The following TNXB variants were observed in gnomAD, a reference collection of about 807,000 sequenced individuals.
The protein encoded by TNXB is tenascin-X.
Under a neutral mutation model 340.5 loss-of-function variants are expected in TNXB, and 183 were observed. The observed-to-expected ratio is 0.54, with a 90% CI of 0.48 to 0.61. TNXB has a LOEUF of 0.61. Ranked by LOEUF, TNXB falls within the 20% of genes least tolerant of loss-of-function variation. TNXB has a pLI of 0.00. For synonymous variants in TNXB, 2,121 were observed against 2,314.5 expected (o/e 0.92, Z 2.40); for missense variants, 4,613 against 5,446.4 (o/e 0.85, Z 4.82).
intron 21 of TNXB, among the ~76,000 whole-genome samples, chr6:32,060,767 T>C (rs1777957427): frequency 6.6e-6 from 1 of 151,900 alleles, no homozygotes. Flanking sequence ...ACCTCCCAAG[T>C]AACTGGGATT....
chr6:32,095,884 G>T lies in TNXB; in HGVS notation c.1969C>A (p.Arg657=). The change falls in exon 3 of 44, where the codon CGG becomes AGG. Residue 657 remains arginine (R), a synonymous_variant. Transcript: ENST00000644971. ...CATRMCPADC[R]GRGRCVQGVC... is the part of the protein sequence containing the mutation. ...CCTTGCACACACCGCCCACGTCCCC[G>T]GCAGTCAGCCGGGCACATGCGGGTG... 6.2e-7 allele frequency: 1 copy of T among 1,612,608 alleles called. No individual in the cohort carries two copies.
chr6:32,097,668 T>C lies in TNXB; in HGVS notation c.403+128A>G. Reference sequence around the variant, plus strand: ...CAGCTCTGCTCTCCAAGTTGTGTTCTGGGCTGCATCCACACCCCTCATGGT... The same window carrying C: ...CAGCTCTGCTCTCCAAGTTGTGTTCCGGGCTGCATCCACACCCCTCATGGT... On this transcript the variant is annotated intron_variant, in intron 2 of 43. Coordinates refer to ENST00000644971, the MANE Select transcript of TNXB (RefSeq NM_001365276.2). The surrounding 1 kb of genome is among the most constrained non-coding windows in gnomAD (Gnocchi z 5.9). The C allele has an allele frequency of 1.7e-6, 2 of 1,210,272 alleles. No individual in the cohort carries two copies. Among genetic ancestry groups the C allele is most frequent in the South Asian group, 3.3e-5 (2 of 59,998 alleles). The allele number at this position is 1,210,272 out of a possible 1,614,324, so 75.0% of individuals were successfully genotyped here.
At position 32,049,882 on chromosome 6, in the gene TNXB, A is replaced by G; in HGVS notation, c.9439+116T>C. 2.0e-6 allele frequency: 3 copies of G among 1,506,404 alleles called. No homozygotes were observed. The highest frequency in any genetic ancestry group is 3.7e-5 in the Admixed American group (2 of 54,148). The allele number at this position is 1,506,404 out of a possible 1,614,324, so 93.3% of individuals were successfully genotyped here. ...CCCAAGGGGAGTCCCAGCCCCAGCC[A>G]CAAGCAGTTCTGTGGTGCTGACCAG... is the stretch of plus-strand genomic sequence containing the variant. On this transcript the variant is annotated intron_variant, in intron 27 of 43. Transcript: ENST00000644971. This position sits in a 1 kb window ranked among gnomAD's most constrained non-coding sequence, Gnocchi z 4.5.
rs1323911718 is a variant in TNXB at position 32,047,215 on chromosome 6, T to C, written c.10324+519A>G. On this transcript the variant is annotated intron_variant, in intron 30 of 43. Transcript: ENST00000644971. This position sits in a 1 kb window ranked among gnomAD's most constrained non-coding sequence, Gnocchi z 6.2. ...GTCCTCCTCTGGGCATAGTGACTCA[T>C]GGTCCTGGGAGTGGGGTGAGGGTCG... 6.6e-6 allele frequency among the ~76,000 whole-genome samples: 1 copy of C among 152,222 alleles called. No homozygotes were observed. The highest frequency in any genetic ancestry group is 2.4e-5 in the African/African-American group (1 of 41,458).
Position 32,079,345 on chromosome 6 carries a change from C to T in TNXB, c.4063G>A (p.Glu1355Lys), listed in dbSNP as rs549679621. Residue 1355 changes from glutamate to lysine, a missense_variant, in exon 11 of 44, where the codon GAG becomes AAG. This residue lies in a region of TNXB where 4,327 missense variants were observed against 4,859.4 expected (regional missense o/e 0.89). Transcript: ENST00000644971. This position sits in a 1 kb window ranked among gnomAD's most constrained non-coding sequence, Gnocchi z 7.1. Reference sequence around the variant, plus strand: ...CCCAGTTCTGTGGGGCTGGGGGTCTCGTCCACATCCTCCTGAGGAGCTGAG... The same window carrying T: ...CCCAGTTCTGTGGGGCTGGGGGTCTTGTCCACATCCTCCTGAGGAGCTGAG... ...AKTAPQEDVD[E>K]TPSPTELGTE... is the part of the protein sequence containing the mutation. 1.2e-5 allele frequency: 20 copies of T among 1,609,010 alleles called. No homozygotes were observed. Among genetic ancestry groups the T allele is most frequent in the Middle Eastern group, 1.7e-4 (1 of 6,024 alleles).
In TNXB at chr6:32,089,022, C is replaced by A. The variant is rs963747561; in HGVS notation, c.2542G>T (p.Val848Leu). The change falls in exon 6 of 44, where the codon GTG becomes TTG. Residue 848 changes from valine (V) to leucine (L), a missense_variant. By Grantham distance (32) the Val-to-Leu change is conservative. Transcript: ENST00000644971. This position sits in a 1 kb window ranked among gnomAD's most constrained non-coding sequence, Gnocchi z 6.2. Reference protein sequence around the residue: ...TMIDGPQDLRVVAVTPTTLEL... With the variant: ...TMIDGPQDLRLVAVTPTTLEL... ...AGTGTTGTCGGTGTCACAGCCACCA[C>A]TCGGAGGTCCTGGGGCCCATCGATC... The A allele has an allele frequency of 6.2e-7, 1 of 1,610,688 alleles. No individual in the cohort carries two copies. Among genetic ancestry groups the A allele is most frequent in the Non-Finnish European group, 8.5e-7 (1 of 1,178,844 alleles).
chr6:32,101,296 ATT>A (rs981024018), intron 1 of TNXB, among the ~76,000 whole-genome samples: 7 of 151,446 alleles, frequency 4.6e-5, no homozygotes, highest in African/African-American at 1.5e-4. Flanking sequence ...TGCCCAGCTC[ATT>A]TTTTTTGTAG....
chr6:32,052,672 G>A lies in TNXB; in HGVS notation c.9113C>T (p.Thr3038Ile). 3 of 1,612,724 alleles carry A rather than the reference G, an allele frequency of 1.9e-6. No homozygotes were observed. The highest frequency in any genetic ancestry group is 2.5e-6 in the Non-Finnish European group (3 of 1,179,190). ...TCGCCTCACTCACACTTACTCACCT[G>A]TCACACCCACAGCGGACACTGGGCC... ...RVGPVSAVGVTAPKDEAETTQ... is the reference protein window; with the variant it reads ...RVGPVSAVGVIAPKDEAETTQ... The change falls in exon 26 of 44, where the codon ACA (threonine) becomes ATA (isoleucine). Residue 3038 changes from threonine (T) to isoleucine (I), a missense_variant and splice_region_variant. Physicochemically the swap from Thr to Ile is moderately conservative, Grantham distance 89. This residue lies in a region of TNXB where 4,327 missense variants were observed against 4,859.4 expected (regional missense o/e 0.89). Coordinates refer to ENST00000644971, the MANE Select transcript of TNXB (RefSeq NM_001365276.2). This position sits in a 1 kb window ranked among gnomAD's most constrained non-coding sequence, Gnocchi z 4.7.
At position 32,070,201 on chromosome 6, in the gene TNXB, C is replaced by G. The variant is rs573721058; in HGVS notation, c.5204G>C (p.Arg1735Pro). ...GCCATAGAGGAGGAATCTGTACTTG[C>G]GGCCGGCATCCAGAGGGGTGACAGT... is the stretch of plus-strand genomic sequence containing the variant. Reference protein sequence around the residue: ...SVTVTPLDAGRKYRFLLYGLL... With the variant: ...SVTVTPLDAGPKYRFLLYGLL... The change falls in exon 14 of 44, where the codon CGC becomes CCC. Residue 1735 changes from arginine (R) to proline (P), a missense_variant. This residue lies in a region of TNXB where 4,327 missense variants were observed against 4,859.4 expected (regional missense o/e 0.89). Transcript: ENST00000644971. The surrounding 1 kb of genome is among the most constrained non-coding windows in gnomAD (Gnocchi z 6.0). 1 of 1,611,898 alleles carries G rather than the reference C, an allele frequency of 6.2e-7. No homozygotes were observed. The highest frequency in any genetic ancestry group is 1.7e-5 in the Admixed American group (1 of 59,980).
At position 32,079,218 on chromosome 6, in the gene TNXB, C is replaced by T; in HGVS notation, c.4190G>A (p.Gly1397Asp). 6.2e-7 allele frequency: 1 copy of T among 1,613,824 alleles called. No homozygotes were observed. Among genetic ancestry groups the T allele is most frequent in the Admixed American group, 1.7e-5 (1 of 60,022 alleles). ...SLSLFWTVPQ[G>D]SFDSFTVQYK... is the part of the protein sequence containing the mutation. ...CTGCACGGTGAAAGAGTCGAAGCTG[C>T]CCTGGGGGACGGTCCAGAAGAGGCT... The change falls in exon 11 of 44, where the codon GGC becomes GAC. Residue 1397 changes from glycine to aspartate, a missense_variant. Physicochemically the swap from Gly to Asp is moderately conservative, Grantham distance 94. Coordinates refer to ENST00000644971, the MANE Select transcript of TNXB (RefSeq NM_001365276.2). This position sits in a 1 kb window ranked among gnomAD's most constrained non-coding sequence, Gnocchi z 7.1.
Position 32,052,949 on chromosome 6 carries a change from C to T in TNXB, c.8836G>A (p.Ala2946Thr). 1 of 1,612,510 alleles carries T rather than the reference C, an allele frequency of 6.2e-7. No homozygotes were observed. Among genetic ancestry groups the T allele is most frequent in the Non-Finnish European group, 8.5e-7 (1 of 1,179,792 alleles). ...AGCGGCTCCTCAGGGGGCTCCGGGG[C>T]CTCCGTGCTGGGTTCTGTGGGGGCG... ...TPAPTEPSTE[A>T]PEPPEEPLLG... The change falls in exon 26 of 44, where the codon GCC becomes ACC. Residue 2946 changes from alanine (A) to threonine (T), a missense_variant. By Grantham distance (58) the Ala-to-Thr change is moderately conservative (BLOSUM62 0). Transcript: ENST00000644971. The surrounding 1 kb of genome is among the most constrained non-coding windows in gnomAD (Gnocchi z 4.7).
Position 32,046,053 on chromosome 6 carries a change from G to A in TNXB, c.10606+122C>T. The A allele has an allele frequency of 6.9e-7, 1 of 1,447,406 alleles. No homozygotes were observed. Among genetic ancestry groups the A allele is most frequent in the South Asian group, 1.5e-5 (1 of 66,086 alleles). The allele number at this position is 1,447,406 out of a possible 1,614,324, so 89.7% of individuals were successfully genotyped here. A position where few individuals can be genotyped will look rare whatever the true frequency, so the allele number is the denominator to read the frequency against. On this transcript the variant is annotated intron_variant, in intron 31 of 43. Transcript: ENST00000644971. The surrounding 1 kb of genome is among the most constrained non-coding windows in gnomAD (Gnocchi z 6.9). ...GGGCTGCAGACTCCTCCTCCTTCCTGGGGACAGGCCAGGGCGCCCCACTCC... is the reference window on the plus strand; with the variant it reads ...GGGCTGCAGACTCCTCCTCCTTCCTAGGGACAGGCCAGGGCGCCCCACTCC...
rs145061705 is a variant in TNXB at position 32,085,674 on chromosome 6, C to T, written c.3148+76G>A. ...CTTCACTGGCCCCTCAATATCCATCCTACCTCTGAAGTCCCAATAACCCCA... is the reference window on the plus strand; with the variant it reads ...CTTCACTGGCCCCTCAATATCCATCTTACCTCTGAAGTCCCAATAACCCCA... On this transcript the variant is annotated intron_variant, in intron 7 of 43. Coordinates refer to ENST00000644971, the MANE Select transcript of TNXB (RefSeq NM_001365276.2). The surrounding 1 kb of genome is among the most constrained non-coding windows in gnomAD (Gnocchi z 6.4). 1.2e-3 allele frequency: 1,806 copies of T among 1,445,660 alleles called. 25 individuals carry two copies. The African/African-American group carries it at 0.023, about 18-fold the overall frequency. 89.6% of individuals were successfully genotyped at this position (1,445,660 alleles called of 1,614,324 possible).
chr6:32,069,874 C>T lies in TNXB; in HGVS notation c.5279-13G>A. On this transcript the variant is annotated splice_polypyrimidine_tract_variant and intron_variant, in intron 14 of 43. Transcript: ENST00000644971. The surrounding 1 kb of genome is among the most constrained non-coding windows in gnomAD (Gnocchi z 6.2). ...GCACTCCGGGCTTCTGAGATGGAGACACGGAGAGGAAACGGCTGAGCTGTT... is the reference window on the plus strand; with the variant it reads ...GCACTCCGGGCTTCTGAGATGGAGATACGGAGAGGAAACGGCTGAGCTGTT... 6.3e-7 allele frequency: 1 copy of T among 1,574,944 alleles called. No individual in the cohort carries two copies. The highest frequency in any genetic ancestry group is 2.3e-5 in the East Asian group (1 of 44,350).
intron 11 of TNXB, chr6:32,078,447 C>CAAAAAAAAAAAAAA (rs755788673): frequency 8.7e-5 from 5 of 57,152 alleles, no homozygotes; most frequent in African/African-American, 7.4e-5. Flanking sequence ...GACTCTGTCT[C>CAAAAAAAAAAAAAA]AAAAAAAAAA....
At position 32,069,027 on chromosome 6, in the gene TNXB, G is replaced by A; in HGVS notation, c.5697C>T (p.Leu1899=). ...ATTCTCCCTCAGTCACCATCCAGGA[G>A]AGATGCAGGGTGTGTGACGTGGCCT... The part of the protein sequence containing the change: ...VEEATSHTLH[L]SWMVTEGEFD... The change falls in exon 16 of 44, where the codon CTC becomes CTT. Residue 1899 remains leucine (L), a synonymous_variant. Transcript: ENST00000644971. This position sits in a 1 kb window ranked among gnomAD's most constrained non-coding sequence, Gnocchi z 6.2. The A allele has an allele frequency of 6.2e-7, 1 of 1,612,902 alleles. No homozygotes were observed. The highest frequency in any genetic ancestry group is 8.5e-7 in the Non-Finnish European group (1 of 1,179,886).
rs765829589 is a variant in TNXB, at chr6:32,079,075, C to T, written c.4333G>A (p.Glu1445Lys). 17 of 1,613,540 alleles carry T rather than the reference C, an allele frequency of 1.1e-5. No homozygotes were observed. Among genetic ancestry groups the T allele is most frequent in the South Asian group, 5.5e-5 (5 of 91,058 alleles). The change falls in exon 11 of 44, where the codon GAG (glutamate) becomes AAG (lysine). Residue 1445 changes from glutamate (E) to lysine (K), a missense_variant. This residue lies in a region of TNXB where 4,327 missense variants were observed against 4,859.4 expected (regional missense o/e 0.89). Transcript: ENST00000644971. This position sits in a 1 kb window ranked among gnomAD's most constrained non-coding sequence, Gnocchi z 7.1. ...KYKMHLYGLHEGQRVGPVSAV... is the reference protein window; with the variant it reads ...KYKMHLYGLHKGQRVGPVSAV... ...GACACCGGGCCCACGCGCTGCCCCT[C>T]GTGGAGGCCGTACAGGTGCATCTTG...
At chr6:32,098,256 A>G (rs754188513) in intron 1 of TNXB, 50 bp from the exon 2 acceptor site, 1 of 1,397,406 alleles carries the variant, frequency 7.2e-7, no homozygotes, top group Non-Finnish European at 9.5e-7. Flanking sequence ...AGGAGACAAA[A>G]TGAATCCCCC....
Position 32,096,834 on chromosome 6 carries a change from C to T in TNXB, c.1019G>A (p.Arg340Gln), listed in dbSNP as rs1224768468. ...PGYTGEDCGT[R>Q]SCPWDCGEGG... The stretch of plus-strand genomic sequence containing the variant: ...CTCGCCACAGTCCCAGGGGCAGCTC[C>T]GCGTACCACAGTCCTCGCCAGTGTA... Residue 340 changes from arginine (R) to glutamine (Q), a missense_variant, in exon 3 of 44, where the codon CGG becomes CAG. Coordinates refer to ENST00000644971, the MANE Select transcript of TNXB (RefSeq NM_001365276.2). 1 of 1,603,386 alleles carries T rather than the reference C, an allele frequency of 6.2e-7. No homozygotes were observed. Among genetic ancestry groups the T allele is most frequent in the Non-Finnish European group, 8.5e-7 (1 of 1,175,830 alleles).
Sources: allele counts gnomAD v4.1 joint callset (sites outside exome capture counted in the v4.1 genomes callset), GRCh38; gene constraint gnomAD v4.1.1; regional missense constraint gnomAD v4.1.1; non-coding constraint Gnocchi (gnomAD v3.1); transcripts MANE v1.5; gene names NCBI Gene and HGNC (gene_info 2026-07-23, HGNC 2026-07-21).